TCERG1L: variants seen among roughly 807,000 people sequenced by gnomAD.
The protein encoded by TCERG1L is transcription elongation regulator 1-like protein.
In TCERG1L, 37 loss-of-function variants were observed where a neutral mutation model predicts 56.3. That is an observed-to-expected ratio of 0.66 (90% confidence interval 0.51 to 0.87). The LOEUF (loss-of-function observed/expected upper bound fraction) is 0.87, where lower values mean the gene tolerates loss of function less well. Among genes scored for constraint, TCERG1L ranks in the 40% least tolerant of loss-of-function variants. The pLI is 0.00. For synonymous variants in TCERG1L, 324 were observed against 326.3 expected (o/e 0.99, Z 0.08); for missense variants, 799 against 774.2 (o/e 1.03, Z -0.38).
At chr10:131,240,116 G>A (rs890948353) in intron 4 of TCERG1L, among the ~76,000 whole-genome samples, 2 of 152,196 alleles carry the variant, frequency 1.3e-5, no homozygotes, top group African/African-American at 4.8e-5. Context: ...CCATCCCTGG[G>A]AGGACAGTGG....
At chr10:131,179,539 C>G (rs546355316) in intron 4 of TCERG1L, among the ~76,000 whole-genome samples, 28 of 152,074 alleles carry the variant, frequency 1.8e-4, no homozygotes, top group Non-Finnish European at 3.2e-4. Flanking sequence ...CCAACCTGGA[C>G]AGCAGCCAGG....
intron 10 of TCERG1L, among the ~76,000 whole-genome samples, chr10:131,098,911 G>C (rs1159342683): frequency 6.6e-6 from 1 of 152,168 alleles, no homozygotes; most frequent in African/African-American, 2.4e-5. Context: ...ATTGACATTC[G>C]AGTCTCCCAA....
At chr10:131,288,474 T>C (rs1846571216) in intron 3 of TCERG1L, among the ~76,000 whole-genome samples, 1 of 152,154 alleles carries the variant, frequency 6.6e-6, no homozygotes, top group African/African-American at 2.4e-5. Flanking sequence ...ACAGACGCAC[T>C]GTGGGATACC....
rs139414768 is a variant in TCERG1L at position 131,280,950 on chromosome 10, G to A, written c.671-20506C>T. ...ATGGAACCTGATCAAGCCTGTGGCC[G>A]CACCTTCCCCCTCTGACTCAATATT... On this transcript the variant is annotated intron_variant, in intron 3 of 11. Transcript: ENST00000368642. Among the ~76,000 whole-genome samples the A allele has an allele frequency of 7.9e-5, 12 of 152,230 alleles. No homozygotes were observed. In the East Asian group the frequency reaches 1.2e-3, roughly 15 times the overall value.
chr10:131,183,156 G>A (rs1845199149), intron 4 of TCERG1L, among the ~76,000 whole-genome samples: 1 of 152,192 alleles, frequency 6.6e-6, no homozygotes, highest in Admixed American at 6.5e-5. Flanking sequence ...AAACGACGGG[G>A]AGGGGGAGAC....
chr10:131,101,074 G>A (rs1160263773), intron 10 of TCERG1L, among the ~76,000 whole-genome samples: 3 of 152,228 alleles, frequency 2.0e-5, no homozygotes, highest in Admixed American at 6.5e-5. Flanking sequence ...CCCAGGCAAT[G>A]GGTACTTAGC....
chr10:131,215,290 A>AT (rs1845658869), intron 4 of TCERG1L, among the ~76,000 whole-genome samples: 1 of 152,240 alleles, frequency 6.6e-6, no homozygotes, highest in South Asian at 2.1e-4. Flanking sequence ...CAAGCGGCTC[A>AT]TGAGAGAAGA....
chr10:131,282,392 T>C (rs1450007184), intron 3 of TCERG1L, among the ~76,000 whole-genome samples: 1 of 136,202 alleles, frequency 7.3e-6, no homozygotes, highest in Non-Finnish European at 1.6e-5. Flanking sequence ...TGCAATTGTT[T>C]TACAAAAATG....
chr10:131,211,786 G>A (rs1407082702), intron 4 of TCERG1L, among the ~76,000 whole-genome samples: 1 of 152,206 alleles, frequency 6.6e-6, no homozygotes, highest in Non-Finnish European at 1.5e-5. Flanking sequence ...GGCCTGCCGG[G>A]CCACTTGCCA....
intron 7 of TCERG1L, among the ~76,000 whole-genome samples, chr10:131,146,249 G>A (rs188746218): frequency 6.6e-6 from 1 of 152,212 alleles, no homozygotes; most frequent in Non-Finnish European, 1.5e-5. Context: ...GAGGGGCGGA[G>A]GGAATGAATG....
chr10:131,278,646 A>C (rs914325458), intron 3 of TCERG1L, among the ~76,000 whole-genome samples: 1 of 152,114 alleles, frequency 6.6e-6, no homozygotes, highest in Non-Finnish European at 1.5e-5. Context: ...CCCAGCCCAC[A>C]TCGTCTTTTC....
intron 3 of TCERG1L, among the ~76,000 whole-genome samples, chr10:131,264,164 G>A (rs546903984): frequency 2.4e-4 from 37 of 151,144 alleles, no homozygotes; most frequent in African/African-American, 8.8e-4. Context: ...CTTCTCCCTG[G>A]TCTCAGCCCA....
intron 4 of TCERG1L, among the ~76,000 whole-genome samples, chr10:131,187,900 A>G (rs1845263595): frequency 6.6e-6 from 1 of 152,184 alleles, no homozygotes; most frequent in African/African-American, 2.4e-5. Context: ...CCCTCACTCA[A>G]TGGCTGGGCC....
intron 11 of TCERG1L, 65 bp from the exon 12 acceptor site, chr10:131,093,383 G>C: frequency 6.4e-7 from 1 of 1,571,816 alleles, no homozygotes; most frequent in Non-Finnish European, 8.6e-7. Flanking sequence ...CAGAGATCCT[G>C]CAGCGGCACC....
rs76517729 is a variant in TCERG1L at position 131,194,739 on chromosome 10, G to A, written c.857-27854C>T. 3.3e-3 allele frequency among the ~76,000 whole-genome samples: 506 copies of A among 152,242 alleles called. 6 individuals are homozygous for A. Among genetic ancestry groups the A allele is most frequent in the African/African-American group, 0.012 (484 of 41,540 alleles). On this transcript the variant is annotated intron_variant, in intron 4 of 11. Coordinates refer to ENST00000368642, the MANE Select transcript of TCERG1L (RefSeq NM_174937.4). ...GGGCGAGATGTGTATTTCACCAGGC[G>A]GCTGCCCTGTTTTCTCAACAGCATC...
intron 4 of TCERG1L, among the ~76,000 whole-genome samples, chr10:131,170,831 C>T (rs893504): frequency 0.8 from 121,951 of 151,718 alleles, 49,538 homozygotes; most frequent in Non-Finnish European, 0.87. Flanking sequence ...GAAGTCAAAC[C>T]GGGCAACAAA....
intron 8 of TCERG1L, among the ~76,000 whole-genome samples, chr10:131,132,073 C>T (rs1344241298): frequency 3.3e-5 from 5 of 152,174 alleles, no homozygotes; most frequent in African/African-American, 7.2e-5. Context: ...GAGCAGGAGG[C>T]GTGCAGGTTG....
chr10:131,266,274 C>T (rs550169646), intron 3 of TCERG1L, among the ~76,000 whole-genome samples: 8 of 152,334 alleles, frequency 5.3e-5, no homozygotes, highest in Admixed American at 2.0e-4. Context: ...CCTCCAAAGA[C>T]GTCTTGAAAC....
intron 6 of TCERG1L, chr10:131,161,510 A>G (rs1385312471): frequency 6.6e-6 from 1 of 152,100 alleles, no homozygotes; most frequent in South Asian, 2.1e-4. Context: ...TGTTATTCCT[A>G]CCAAGTCCCT....
Sources: gnomAD v4.1 joint callset for allele counts (sites outside exome capture counted in the v4.1 genomes callset) on GRCh38, gnomAD v4.1.1 for gene constraint, MANE v1.5 for transcripts, NCBI Gene and HGNC (gene_info 2026-07-23, HGNC 2026-07-21) for gene names.